The following OR2M7 variants were observed in gnomAD, a reference collection of about 807,000 sequenced individuals.
The protein encoded by OR2M7 is olfactory receptor family 2 subfamily M member 7.
For synonymous variants in OR2M7, 129 were observed against 135.0 expected, an observed-to-expected ratio of 0.96 and a Z score of 0.31; for missense variants, 390 against 386.8, an observed-to-expected ratio of 1.01 and a Z score of -0.07.
In OR2M7 at chr1:248,323,819, C is replaced by T; in HGVS notation, c.750G>A (p.Met250Ile). The T allele has an allele frequency of 1.9e-6, 3 of 1,613,566 alleles. No individual in the cohort carries two copies. Among genetic ancestry groups the T allele is most frequent in the Middle Eastern group, 3.4e-4 (2 of 5,808 alleles). ...ACATGAACAAACCTGCTCCATAGTA[C>T]ATTCCCACCACCATGAGGTGAGAGG... The part of the protein sequence containing the change: ...TCSSHLMVVG[M>I]YYGAGLFMCI... The change falls in exon 1 of 1, where the codon ATG (methionine) becomes ATA (isoleucine). Residue 250 changes from methionine (M) to isoleucine (I), a missense_variant. Met to Ile is a conservative substitution (Grantham distance 10, BLOSUM62 1). Transcript: ENST00000317965.
chr1:248,324,536 G>T lies in OR2M7; in HGVS notation c.33C>A (p.Asp11Glu). 6.2e-7 allele frequency: 1 copy of T among 1,607,948 alleles called. No homozygotes were observed. The highest frequency in any genetic ancestry group is 8.5e-7 in the Non-Finnish European group (1 of 1,177,018). The change falls in exon 1 of 1, where the codon GAC (aspartate) becomes GAA (glutamate). Residue 11 changes from aspartate to glutamate, a missense_variant. Asp to Glu is a conservative substitution (Grantham distance 45). Coordinates refer to ENST00000317965, the MANE Select transcript of OR2M7 (RefSeq NM_001004691.1). The stretch of plus-strand genomic sequence containing the variant: ...GATTGAAGATTCCCAGGAGGAGGAA[G>T]TCAGAGTTGAAGGTCTGATTCTCCC... The part of the protein sequence containing the change: MAWENQTFNS[D>E]FLLLGIFNHS...
In OR2M7 at chr1:248,324,348, A is replaced by G. The variant is rs367648296; in HGVS notation, c.221T>C (p.Ile74Thr). ...SQLSLMDLML[I>T]CTTVPKMAFN... ...GGCCATCTTGGGTACAGTGGTGCAG[A>G]TGAGCATGAGGTCCATGAGGGACAG... Residue 74 changes from isoleucine to threonine, a missense_variant, in exon 1 of 1, where the codon ATC becomes ACC. By Grantham distance (89) the Ile-to-Thr change is moderately conservative. Coordinates refer to ENST00000317965, the MANE Select transcript of OR2M7 (RefSeq NM_001004691.1). 1.9e-6 allele frequency: 3 copies of G among 1,613,926 alleles called. No homozygotes were observed. Among genetic ancestry groups the G allele is most frequent in the African/African-American group, 2.7e-5 (2 of 74,914 alleles).
At position 248,323,911 on chromosome 1, in the gene OR2M7, G is replaced by T; in HGVS notation, c.658C>A (p.Arg220=). The change falls in exon 1 of 1, where the codon CGA becomes AGA. Residue 220 remains arginine (R), a synonymous_variant. Transcript: ENST00000317965. ...ATGTGAATGACAGCCAGAATAACTC[G>T]AGCATAGGAAGTGATGATGATTGCA... ...PVAIIITSYA[R]VILAVIHMGS... is the part of the protein sequence containing the mutation. 6.2e-7 allele frequency: 1 copy of T among 1,612,960 alleles called. No homozygotes were observed. The highest frequency in any genetic ancestry group is 8.5e-7 in the Non-Finnish European group (1 of 1,179,820).
At position 248,323,776 on chromosome 1, in the gene OR2M7, G is replaced by C; in HGVS notation, c.793C>G (p.His265Asp). 1 of 1,613,738 alleles carries C rather than the reference G, an allele frequency of 6.2e-7. No homozygotes were observed. Among genetic ancestry groups the C allele is most frequent in the Non-Finnish European group, 8.5e-7 (1 of 1,179,732 alleles). Residue 265 changes from histidine to aspartate, a missense_variant, in exon 1 of 1, where the codon CAT (histidine) becomes GAT (aspartate). Physicochemically the swap from His to Asp is moderately conservative, Grantham distance 81. Transcript: ENST00000317965. ...GLFMCIQPTS[H>D]HSPMQDKMVS... is the part of the protein sequence containing the mutation. ...ATCTTGTCCTGCATAGGAGAATGAT[G>C]AGATGTGGGCTGAATGCACATGAAC...
In OR2M7 at chr1:248,324,538, C is replaced by G. The variant is rs1177242342; in HGVS notation, c.31G>C (p.Asp11His). The G allele has an allele frequency of 1.9e-6, 3 of 1,607,282 alleles. No homozygotes were observed. The highest frequency in any genetic ancestry group is 2.7e-5 in the African/African-American group (2 of 74,804). Residue 11 changes from aspartate (D) to histidine (H), a missense_variant, in exon 1 of 1, where the codon GAC becomes CAC. Coordinates refer to ENST00000317965, the MANE Select transcript of OR2M7 (RefSeq NM_001004691.1). ...TTGAAGATTCCCAGGAGGAGGAAGTCAGAGTTGAAGGTCTGATTCTCCCAT... is the reference window on the plus strand; with the variant it reads ...TTGAAGATTCCCAGGAGGAGGAAGTGAGAGTTGAAGGTCTGATTCTCCCAT... MAWENQTFNS[D>H]FLLLGIFNHS...
chr1:248,324,537 T>C lies in OR2M7; in HGVS notation c.32A>G (p.Asp11Gly), dbSNP rs1266777711. The change falls in exon 1 of 1, where the codon GAC (aspartate) becomes GGC (glycine). Residue 11 changes from aspartate (D) to glycine (G), a missense_variant. By Grantham distance (94) the Asp-to-Gly change is moderately conservative (BLOSUM62 -1). Transcript: ENST00000317965. ...ATTGAAGATTCCCAGGAGGAGGAAG[T>C]CAGAGTTGAAGGTCTGATTCTCCCA... Reference protein sequence around the residue: MAWENQTFNSDFLLLGIFNHS... With the variant: MAWENQTFNSGFLLLGIFNHS... 3 of 1,607,790 alleles carry C rather than the reference T, an allele frequency of 1.9e-6. No homozygotes were observed. The highest frequency in any genetic ancestry group is 2.5e-6 in the Non-Finnish European group (3 of 1,176,966).
chr1:248,324,261 A>G lies in OR2M7; in HGVS notation c.308T>C (p.Phe103Ser). 1 of 1,614,144 alleles carries G rather than the reference A, an allele frequency of 6.2e-7. No homozygotes were observed. The highest frequency in any genetic ancestry group is 8.5e-7 in the Non-Finnish European group (1 of 1,180,016). ...SMAGCATQIFFYISLLGSECF... is the reference protein window; with the variant it reads ...SMAGCATQIFSYISLLGSECF... Reference sequence around the variant, plus strand: ...TTCGGAGCCAAGCAATGATATATAGAAGAAAATTTGTGTGGCACAGCCAGC... The same window carrying G: ...TTCGGAGCCAAGCAATGATATATAGGAGAAAATTTGTGTGGCACAGCCAGC... Residue 103 changes from phenylalanine to serine, a missense_variant, in exon 1 of 1, where the codon TTC (phenylalanine) becomes TCC (serine). Physicochemically the swap from Phe to Ser is radical, Grantham distance 155 (BLOSUM62 -2). Transcript: ENST00000317965.
rs144015069 is a variant in OR2M7, at chr1:248,323,865, C to G, written c.704G>C (p.Arg235Pro). Residue 235 changes from arginine to proline, a missense_variant, in exon 1 of 1, where the codon CGC becomes CCC. Transcript: ENST00000317965. ...AGAGGAACAAGTAGTAAAAGCTTTGCGACGTCCCTCTCCAGATCCCATGTG... is the reference window on the plus strand; with the variant it reads ...AGAGGAACAAGTAGTAAAAGCTTTGGGACGTCCCTCTCCAGATCCCATGTG... ...VIHMGSGEGR[R>P]KAFTTCSSHL... is the part of the protein sequence containing the mutation. 1.2e-6 allele frequency: 2 copies of G among 1,612,708 alleles called. No individual in the cohort carries two copies. Among genetic ancestry groups the G allele is most frequent in the East Asian group, 4.5e-5 (2 of 44,876 alleles).
chr1:248,324,387 A>G lies in OR2M7; in HGVS notation c.182T>C (p.Phe61Ser), dbSNP rs140881867. ...LDTQLHTPMYFLLSQLSLMDL... is the reference protein window; with the variant it reads ...LDTQLHTPMYSLLSQLSLMDL... ...CATGAGGGACAGTTGGCTGAGGAGG[A>G]AGTACATGGGGGTGTGGAGCTGGGT... is the stretch of plus-strand genomic sequence containing the variant. Residue 61 changes from phenylalanine to serine, a missense_variant, in exon 1 of 1, where the codon TTC becomes TCC. By Grantham distance (155) the Phe-to-Ser change is radical. Transcript: ENST00000317965. 88 of 1,613,844 alleles carry G rather than the reference A, an allele frequency of 5.5e-5. No homozygotes were observed. In the East Asian group the frequency reaches 1.1e-3, roughly 20 times the overall value.
Position 248,323,791 on chromosome 1 carries a change from T to C in OR2M7, c.778A>G (p.Ile260Val). Residue 260 changes from isoleucine (I) to valine (V), a missense_variant, in exon 1 of 1, where the codon ATT becomes GTT. Coordinates refer to ENST00000317965, the MANE Select transcript of OR2M7 (RefSeq NM_001004691.1). ...MYYGAGLFMCIQPTSHHSPMQ... is the reference protein window; with the variant it reads ...MYYGAGLFMCVQPTSHHSPMQ... ...GGAGAATGATGAGATGTGGGCTGAA[T>C]GCACATGAACAAACCTGCTCCATAG... 6.2e-7 allele frequency: 1 copy of C among 1,613,728 alleles called. No homozygotes were observed. Among genetic ancestry groups the C allele is most frequent in the Non-Finnish European group, 8.5e-7 (1 of 1,179,758 alleles).
chr1:248,323,633 A>G lies in OR2M7; in HGVS notation c.936T>C (p.Asp312=). The change falls in exon 1 of 1, where the codon GAT becomes GAC. Residue 312 remains aspartate (D), a synonymous_variant. Coordinates refer to ENST00000317965, the MANE Select transcript of OR2M7 (RefSeq NM_001004691.1). ...AACATGAAATTTATGAGGTAACTCA[A>G]TCTCCAGACTTGCCCTTTCCTAAGA... is the stretch of plus-strand genomic sequence containing the variant. ...MKILGKGKSG[D] 6.4e-7 allele frequency: 1 copy of G among 1,561,270 alleles called. No individual in the cohort carries two copies. Among genetic ancestry groups the G allele is most frequent in the Non-Finnish European group, 8.6e-7 (1 of 1,156,796 alleles).
chr1:248,324,098 G>C lies in OR2M7; in HGVS notation c.471C>G (p.Ile157Met). 1.2e-6 allele frequency: 2 copies of C among 1,613,894 alleles called. No individual in the cohort carries two copies. The highest frequency in any genetic ancestry group is 1.7e-6 in the Non-Finnish European group (2 of 1,179,826). ...AGGAAAATGTCGCTACAGCATCAAT[G>C]ATTCCATCTGTAGAGCCCAGGATCC... Reference protein sequence around the residue: ...FSWILGSTDGIIDAVATFSFS... With the variant: ...FSWILGSTDGMIDAVATFSFS... Residue 157 changes from isoleucine to methionine, a missense_variant, in exon 1 of 1, where the codon ATC becomes ATG. By Grantham distance (10) the Ile-to-Met change is conservative. Coordinates refer to ENST00000317965, the MANE Select transcript of OR2M7 (RefSeq NM_001004691.1).
Position 248,323,769 on chromosome 1 carries a change from G to C in OR2M7, c.800C>G (p.Ser267Cys). The C allele has an allele frequency of 6.2e-7, 1 of 1,613,780 alleles. No homozygotes were observed. Among genetic ancestry groups the C allele is most frequent in the South Asian group, 1.1e-5 (1 of 91,072 alleles). Residue 267 changes from serine to cysteine, a missense_variant, in exon 1 of 1, where the codon TCT becomes TGT. Ser to Cys is a moderately radical substitution (Grantham distance 112). Transcript: ENST00000317965. ...FMCIQPTSHH[S>C]PMQDKMVSVF... ...AGACACCATCTTGTCCTGCATAGGA[G>C]AATGATGAGATGTGGGCTGAATGCA...
In OR2M7 at chr1:248,324,083, C is replaced by G. The variant is rs764892113; in HGVS notation, c.486G>C (p.Ala162=). The G allele has an allele frequency of 4.5e-5, 73 of 1,613,696 alleles. 1 individual carries two copies. The highest frequency in any genetic ancestry group is 1.6e-4 in the Middle Eastern group (1 of 6,078). ...GSTDGIIDAV[A]TFSFSYCGSR... ...ACCCACAGTAGGAGAAGGAAAATGT[C>G]GCTACAGCATCAATGATTCCATCTG... Residue 162 remains alanine, a synonymous_variant, in exon 1 of 1, where the codon GCG becomes GCC. Coordinates refer to ENST00000317965, the MANE Select transcript of OR2M7 (RefSeq NM_001004691.1).
chr1:248,324,536 G>A lies in OR2M7; in HGVS notation c.33C>T (p.Asp11=), dbSNP rs1432665972. 6.2e-7 allele frequency: 1 copy of A among 1,607,952 alleles called. No individual in the cohort carries two copies. The highest frequency in any genetic ancestry group is 2.2e-5 in the East Asian group (1 of 44,876). The change falls in exon 1 of 1, where the codon GAC becomes GAT. Residue 11 remains aspartate (D), a synonymous_variant. Coordinates refer to ENST00000317965, the MANE Select transcript of OR2M7 (RefSeq NM_001004691.1). ...GATTGAAGATTCCCAGGAGGAGGAA[G>A]TCAGAGTTGAAGGTCTGATTCTCCC... MAWENQTFNS[D]FLLLGIFNHS...
At position 248,323,853 on chromosome 1, in the gene OR2M7, G is replaced by A. The variant is rs764164548; in HGVS notation, c.716C>T (p.Thr239Ile). 4 of 1,613,012 alleles carry A rather than the reference G, an allele frequency of 2.5e-6. No homozygotes were observed. In the African/African-American group the frequency reaches 4.0e-5, roughly 16 times the overall value. Reference sequence around the variant, plus strand: ...CACCATGAGGTGAGAGGAACAAGTAGTAAAAGCTTTGCGACGTCCCTCTCC... The same window carrying A: ...CACCATGAGGTGAGAGGAACAAGTAATAAAAGCTTTGCGACGTCCCTCTCC... ...GSGEGRRKAFTTCSSHLMVVG... is the reference protein window; with the variant it reads ...GSGEGRRKAFITCSSHLMVVG... Residue 239 changes from threonine to isoleucine, a missense_variant, in exon 1 of 1, where the codon ACT becomes ATT. By Grantham distance (89) the Thr-to-Ile change is moderately conservative. Transcript: ENST00000317965.
At position 248,324,069 on chromosome 1, in the gene OR2M7, G is replaced by A. The variant is rs768266887; in HGVS notation, c.500C>T (p.Ser167Phe). ...GGCTATTTCCCGAGACCCACAGTAGGAGAAGGAAAATGTCGCTACAGCATC... is the reference window on the plus strand; with the variant it reads ...GGCTATTTCCCGAGACCCACAGTAGAAGAAGGAAAATGTCGCTACAGCATC... ...IIDAVATFSF[S>F]YCGSREIAHF... is the part of the protein sequence containing the mutation. The change falls in exon 1 of 1, where the codon TCC (serine) becomes TTC (phenylalanine). Residue 167 changes from serine to phenylalanine, a missense_variant. Transcript: ENST00000317965. 5 of 1,613,898 alleles carry A rather than the reference G, an allele frequency of 3.1e-6. No homozygotes were observed. Among genetic ancestry groups the A allele is most frequent in the South Asian group, 1.1e-5 (1 of 91,052 alleles).
rs138046249 is a variant in OR2M7, at chr1:248,324,141, A to C, written c.428T>G (p.Leu143Arg). The change falls in exon 1 of 1, where the codon CTT becomes CGT. Residue 143 changes from leucine to arginine, a missense_variant. Transcript: ENST00000317965. ...CAGGATCCAGGAGAAGGCAGTCATA[A>C]GTCCACAAATTTTGGGTCTCATGAG... ...TNLMRPKICG[L>R]MTAFSWILGS... 1,233 of 1,613,918 alleles carry C rather than the reference A, an allele frequency of 7.6e-4. 9 individuals are homozygous for C. The African/African-American group carries it at 0.012, about 16-fold the overall frequency.
Position 248,323,910 on chromosome 1 carries a change from C to T in OR2M7, c.659G>A (p.Arg220Gln), listed in dbSNP as rs746217682. Residue 220 changes from arginine (R) to glutamine (Q), a missense_variant, in exon 1 of 1, where the codon CGA becomes CAA. Coordinates refer to ENST00000317965, the MANE Select transcript of OR2M7 (RefSeq NM_001004691.1). ...PVAIIITSYA[R>Q]VILAVIHMGS... ...CATGTGAATGACAGCCAGAATAACT[C>T]GAGCATAGGAAGTGATGATGATTGC... 2.0e-5 allele frequency: 33 copies of T among 1,612,812 alleles called. No individual in the cohort carries two copies. The highest frequency in any genetic ancestry group is 2.3e-5 in the Non-Finnish European group (27 of 1,179,832).
Sources: gnomAD v4.1 joint callset for allele counts on GRCh38, gnomAD v4.1.1 for gene constraint, MANE v1.5 for transcripts, NCBI Gene and HGNC (gene_info 2026-07-23, HGNC 2026-07-21) for gene names.